Variants in MTF2 observed in about 807,000 individuals in gnomAD.
MTF2 encodes metal-response element-binding transcription factor 2.
MTF2 carries 11 observed loss-of-function variants against 79.5 expected under a neutral mutation model. That is an observed-to-expected ratio of 0.14 (90% confidence interval 0.09 to 0.23). The LOEUF (loss-of-function observed/expected upper bound fraction) is 0.23. MTF2 is among the 10% of genes least tolerant of loss of function. The pLI, the probability that MTF2 is intolerant of heterozygous loss-of-function variation, is 1.00. For synonymous variants in MTF2, 208 were observed against 232.8 expected (o/e 0.89, Z 0.97); for missense variants, 486 against 711.2 (o/e 0.68, Z 3.60).
intron 6 of MTF2, 104 bp downstream of exon 6, chr1:93,115,722 C>A (rs1656222679): frequency 2.3e-6 from 2 of 881,564 alleles, no homozygotes; most frequent in Non-Finnish European, 3.2e-6. Flanking sequence ...ACTGCATGAA[C>A]ACATCAGTGA....
intron 14 of MTF2, 23 bp from the exon 15 acceptor site, chr1:93,136,647 T>G: frequency 6.3e-7 from 1 of 1,592,574 alleles, no homozygotes; most frequent in Non-Finnish European, 8.6e-7. Flanking sequence ...CAGTAGACAA[T>G]TCTGGCCTTC....
At chr1:93,101,943 T>C (rs900926538) in intron 1 of MTF2, among the ~76,000 whole-genome samples, 1 of 152,118 alleles carries the variant, frequency 6.6e-6, no homozygotes, top group Non-Finnish European at 1.5e-5. Context: ...TCCATAACAC[T>C]TTTTTACCTT....
chr1:93,132,034 T>A (rs1423516330), intron 11 of MTF2, among the ~76,000 whole-genome samples: 1 of 151,348 alleles, frequency 6.6e-6, no homozygotes, highest in African/African-American at 2.4e-5. Flanking sequence ...TATGGAATAG[T>A]CATCTTGGAG....
chr1:93,085,427 G>A (rs373657352), intron 1 of MTF2, among the ~76,000 whole-genome samples: 6 of 149,094 alleles, frequency 4.0e-5, no homozygotes, highest in African/African-American at 1.5e-4. Flanking sequence ...TGCGCCCTTC[G>A]TGGCTTCCCA....
intron 1 of MTF2, among the ~76,000 whole-genome samples, chr1:93,085,185 C>G (rs936014655): frequency 8.0e-5 from 12 of 150,452 alleles, no homozygotes; most frequent in Non-Finnish European, 1.3e-4. Context: ...TTTTTCTTTT[C>G]TTTCTTTCTT....
At chr1:93,091,001 C>A (rs1450451063) in intron 1 of MTF2, among the ~76,000 whole-genome samples, 2 of 151,986 alleles carry the variant, frequency 1.3e-5, no homozygotes, top group African/African-American at 2.4e-5. Flanking sequence ...ATTTTTGTAA[C>A]CTTGTAGCTT....
chr1:93,136,407 C>T (rs1647401511), intron 14 of MTF2, among the ~76,000 whole-genome samples: 1 of 152,110 alleles, frequency 6.6e-6, no homozygotes, highest in Non-Finnish European at 1.5e-5. Flanking sequence ...TGTTGGCCTC[C>T]TAAGTAAAAA....
intron 5 of MTF2, 34 bp from the exon 6 acceptor site, chr1:93,115,436 T>C: frequency 6.8e-7 from 1 of 1,463,208 alleles, no homozygotes; most frequent in Non-Finnish European, 9.2e-7. Flanking sequence ...AATTTTAGCC[T>C]TCACTCTTTC....
intron 1 of MTF2, chr1:93,081,083 T>G (rs1242163379): frequency 6.6e-6 from 1 of 152,244 alleles, no homozygotes; most frequent in African/African-American, 2.4e-5. Flanking sequence ...TTCCTGATAC[T>G]ACATTTATAA....
At chr1:93,131,894 C>T (rs1425454974) in intron 11 of MTF2, among the ~76,000 whole-genome samples, 2 of 152,146 alleles carry the variant, frequency 1.3e-5, no homozygotes, top group Non-Finnish European at 2.9e-5. Flanking sequence ...GATGCCAGTT[C>T]TGTTGTAGAT....
At chr1:93,118,919 T>C (rs1051873100) in intron 7 of MTF2, among the ~76,000 whole-genome samples, 1 of 152,268 alleles carries the variant, frequency 6.6e-6, no homozygotes, top group African/African-American at 2.4e-5. Context: ...AATCTTGGCT[T>C]ATGCCACTTA....
At chr1:93,115,153 T>C (rs1656199480) in intron 5 of MTF2, 65 bp downstream of exon 5, 1 of 1,195,090 alleles carries the variant, frequency 8.4e-7, no homozygotes, top group Non-Finnish European at 1.2e-6. Flanking sequence ...AACATAATGA[T>C]TGTGTACACT....
In MTF2 at chr1:93,137,579, CT is replaced by C. The variant is rs1647452541; in HGVS notation, c.*554del. 1 of 153,122 alleles carries C rather than the reference CT, an allele frequency of 6.5e-6. No homozygotes were observed. The highest frequency in any genetic ancestry group is 2.4e-5 in the African/African-American group (1 of 41,296). 9.5% of individuals were successfully genotyped at this position (153,122 alleles called of 1,614,324 possible). ...GCCTGTAAATTGCTCTGTGACTAGACTTCATTGTCGTCTTAATATATTCTTG... is the reference window on the plus strand; with the variant it reads ...GCCTGTAAATTGCTCTGTGACTAGACTCATTGTCGTCTTAATATATTCTTG... On this transcript the variant is annotated 3_prime_UTR_variant, in exon 15 of 15. Coordinates refer to ENST00000370298, the MANE Select transcript of MTF2 (RefSeq NM_007358.4).
rs151153771 is a variant in MTF2 at position 93,120,567 on chromosome 1, A to G, written c.816A>G (p.Leu272=). The G allele has an allele frequency of 2.2e-4, 351 of 1,605,346 alleles. No individual in the cohort carries two copies. Among genetic ancestry groups the G allele is most frequent in the Non-Finnish European group, 2.9e-4 (346 of 1,176,178 alleles). Residue 272 remains leucine (L), a synonymous_variant, in exon 9 of 15, where the codon CTA becomes CTG. Coordinates refer to ENST00000370298, the MANE Select transcript of MTF2 (RefSeq NM_007358.4). The part of the protein sequence containing the change: ...LPLQWVDIAH[L]CLYNLSVIHK... Reference sequence around the variant, plus strand: ...ATTCCAGGGTAGATATAGCACACCTATGCCTTTACAACCTAAGTGTTATTC... The same window carrying G: ...ATTCCAGGGTAGATATAGCACACCTGTGCCTTTACAACCTAAGTGTTATTC...
intron 6 of MTF2, among the ~76,000 whole-genome samples, chr1:93,117,933 G>C (rs189856558): frequency 2.8e-4 from 43 of 152,294 alleles, no homozygotes; most frequent in Non-Finnish European, 4.3e-4. Flanking sequence ...GCTGAGGTGG[G>C]AGGGTCACTT....
At chr1:93,101,512 G>A (rs960950119) in intron 1 of MTF2, among the ~76,000 whole-genome samples, 3 of 129,894 alleles carry the variant, frequency 2.3e-5, no homozygotes, top group Non-Finnish European at 4.8e-5. Context: ...ATCACACTTG[G>A]CAAATTTTTT....
intron 1 of MTF2, among the ~76,000 whole-genome samples, chr1:93,082,975 T>C (rs1654669595): frequency 6.6e-6 from 1 of 152,242 alleles, no homozygotes; most frequent in Non-Finnish European, 1.5e-5. Flanking sequence ...GCCTTTTATG[T>C]CTGGCTTCCT....
intron 1 of MTF2, among the ~76,000 whole-genome samples, chr1:93,084,938 T>G (rs1387050291): frequency 6.6e-6 from 1 of 152,174 alleles, no homozygotes; most frequent in Non-Finnish European, 1.5e-5. Flanking sequence ...ACCATTTTCC[T>G]TGATAAGATA....
At chr1:93,133,206 A>G (rs1321762724) in intron 11 of MTF2, among the ~76,000 whole-genome samples, 2 of 152,194 alleles carry the variant, frequency 1.3e-5, no homozygotes, top group Middle Eastern at 3.4e-3. Context: ...AAGAATCTAC[A>G]TATATATCTA....
Sources: gnomAD v4.1 joint callset for allele counts (sites outside exome capture counted in the v4.1 genomes callset) on GRCh38, gnomAD v4.1.1 for gene constraint, MANE v1.5 for transcripts, NCBI Gene and HGNC (gene_info 2026-07-23, HGNC 2026-07-21) for gene names.